The following WNT7B variants were observed in gnomAD, a reference collection of about 807,000 sequenced individuals.
WNT7B encodes protein Wnt-7b.
Under a neutral mutation model 38.2 loss-of-function variants are expected in WNT7B, and 19 were observed. That is an observed-to-expected ratio of 0.50 (90% CI 0.35 to 0.73). The LOEUF (loss-of-function observed/expected upper bound fraction) is 0.73. WNT7B is among the 30% of genes least tolerant of loss of function. The pLI, the probability that WNT7B is intolerant of heterozygous loss-of-function variation, is 0.01. For synonymous variants in WNT7B, 243 were observed against 209.3 expected, an observed-to-expected ratio of 1.16 and a Z score of -1.39; for missense variants, 423 against 507.9, an observed-to-expected ratio of 0.83 and a Z score of 1.61.
rs967451856 is a variant in WNT7B, at chr22:45,977,037, G to A, written c.-283C>T. ...CGTGGACCCCTGCAAGCGCGGGCCG[G>A]GGGCCCGGGCGCGGCTGGCGGGCGG... On this transcript the variant is annotated 5_prime_UTR_variant, in exon 1 of 4. Coordinates refer to ENST00000339464, the MANE Select transcript of WNT7B (RefSeq NM_058238.3). 4.1e-6 allele frequency: 4 copies of A among 984,418 alleles called. No homozygotes were observed. The African/African-American group carries it at 5.3e-5, about 13-fold the overall frequency. The allele number at this position is 984,418 out of a possible 1,614,324, so 61.0% of individuals were successfully genotyped here.
At chr22:45,923,953 C>T (rs957274422) in intron 3 of WNT7B, among the ~76,000 whole-genome samples, 11 of 152,214 alleles carry the variant, frequency 7.2e-5, no homozygotes, top group African/African-American at 2.2e-4. Context: ...CCGGCCCGCC[C>T]GCTGTTCTTT....
At chr22:45,937,622 C>T (rs1295965349) in intron 2 of WNT7B, among the ~76,000 whole-genome samples, 1 of 152,226 alleles carries the variant, frequency 6.6e-6, no homozygotes, top group Non-Finnish European at 1.5e-5. Flanking sequence ...AGGCAGTGCC[C>T]GCCAGCTGCC....
At chr22:45,972,380 A>T in intron 1 of WNT7B, 1 of 321,498 alleles carries the variant, frequency 3.1e-6, no homozygotes, top group Non-Finnish European at 5.6e-6. Context: ...GCCCGGGCGC[A>T]GTTGTCGCCC....
intron 3 of WNT7B, among the ~76,000 whole-genome samples, chr22:45,928,627 C>G (rs1175341612): frequency 1.3e-5 from 1 of 76,872 alleles, no homozygotes; most frequent in South Asian, 4.3e-4. Flanking sequence ...TGTTTTCCCA[C>G]CTCCTGTCTC....
At chr22:45,953,442 G>A (rs868719615) in intron 1 of WNT7B, among the ~76,000 whole-genome samples, 50 of 152,364 alleles carry the variant, frequency 3.3e-4, no homozygotes, top group Middle Eastern at 6.8e-3. Flanking sequence ...AGGTCTCCGG[G>A]CTGCCGGGTG....
chr22:45,938,572 A>G (rs925633885), intron 2 of WNT7B, among the ~76,000 whole-genome samples: 1 of 151,956 alleles, frequency 6.6e-6, no homozygotes, highest in African/African-American at 2.4e-5. Flanking sequence ...GGGAGAGGGG[A>G]GGTTGCAGTG....
chr22:45,963,782 C>G (rs1478109354), intron 1 of WNT7B, among the ~76,000 whole-genome samples: 1 of 152,100 alleles, frequency 6.6e-6, no homozygotes, highest in Non-Finnish European at 1.5e-5. Flanking sequence ...CTGGCTCTCC[C>G]CAGACTCTGA....
chr22:45,959,115 G>GGTGGGTGACGA (rs1389970046), intron 1 of WNT7B, among the ~76,000 whole-genome samples: 4 of 152,208 alleles, frequency 2.6e-5, no homozygotes, highest in African/African-American at 4.8e-5. Flanking sequence ...GTGAATGAAT[G>GGTGGGTGACGA]GTGGGTGACG....
chr22:45,937,885 T>G (rs944153823), intron 2 of WNT7B, among the ~76,000 whole-genome samples: 1 of 152,074 alleles, frequency 6.6e-6, no homozygotes, highest in African/African-American at 2.4e-5. Flanking sequence ...GGCAGGCACC[T>G]GTAATCCCAG....
chr22:45,957,893 C>A (rs1345721971), intron 1 of WNT7B, among the ~76,000 whole-genome samples: 1 of 152,214 alleles, frequency 6.6e-6, no homozygotes, highest in Non-Finnish European at 1.5e-5. Flanking sequence ...CCTGCCAGGG[C>A]TCCTCTGCCC....
intron 1 of WNT7B, among the ~76,000 whole-genome samples, chr22:45,958,429 T>A (rs1932121252): frequency 6.6e-6 from 1 of 152,174 alleles, no homozygotes; most frequent in African/African-American, 2.4e-5. Context: ...TTCTCCCGCT[T>A]CAAAGCCTCC....
chr22:45,971,736 G>A lies in WNT7B; in HGVS notation c.71+4948C>T, dbSNP rs1423692779. On this transcript the variant is annotated intron_variant, in intron 1 of 3. Transcript: ENST00000339464. Reference sequence around the variant, plus strand: ...TGCACGAGGGAGCGGGTGTGTGAGTGCGGCTCTCCCAAGTGTGGCATGGTA... The same window carrying A: ...TGCACGAGGGAGCGGGTGTGTGAGTACGGCTCTCCCAAGTGTGGCATGGTA... Among the ~76,000 whole-genome samples the A allele has an allele frequency of 3.3e-5, 5 of 152,306 alleles. No homozygotes were observed. In the East Asian group the frequency reaches 9.7e-4, roughly 30 times the overall value.
At chr22:45,938,077 A>T (rs1003030422) in intron 2 of WNT7B, among the ~76,000 whole-genome samples, 2 of 152,194 alleles carry the variant, frequency 1.3e-5, no homozygotes, top group Admixed American at 6.5e-5. Context: ...AAGGACAAAG[A>T]CTAACGGGTG....
chr22:45,922,339 CCTCTTCTG>C lies in WNT7B; in HGVS notation c.*509_*516del. The C allele has an allele frequency of 6.4e-6, 1 of 157,346 alleles. No individual in the cohort carries two copies. The highest frequency in any genetic ancestry group is 6.1e-5 in the Admixed American group (1 of 16,518). The allele number at this position is 157,346 out of a possible 1,614,324, so 9.7% of individuals were successfully genotyped here. ...CTGGCTATGTGTTAGTGCCGAGAAT[CCTCTTCTG>C]ATACTAAGAAAACATAAATAATTTG... is the stretch of plus-strand genomic sequence containing the variant. On this transcript the variant is annotated 3_prime_UTR_variant, in exon 4 of 4. Transcript: ENST00000339464.
At position 45,976,938 on chromosome 22, in the gene WNT7B, C is replaced by T; in HGVS notation, c.-184G>A. On this transcript the variant is annotated 5_prime_UTR_variant, in exon 1 of 4. Transcript: ENST00000339464. This position sits in a 1 kb window ranked among gnomAD's most constrained non-coding sequence, Gnocchi z 8.5. ...CACCATGGTGAGCCCGGGATGCCGC[C>T]GCCGCCACCGCCGCGTGAGCCCGGG... 1.0e-6 allele frequency: 1 copy of T among 988,852 alleles called. No individual in the cohort carries two copies. Among genetic ancestry groups the T allele is most frequent in the Non-Finnish European group, 1.2e-6 (1 of 832,842 alleles). 61.3% of individuals were successfully genotyped at this position (988,852 alleles called of 1,614,324 possible). A position where few individuals can be genotyped will look rare whatever the true frequency, so the allele number is the denominator to read the frequency against.
At chr22:45,944,978 C>T (rs1404348791) in intron 2 of WNT7B, among the ~76,000 whole-genome samples, 1 of 152,234 alleles carries the variant, frequency 6.6e-6, no homozygotes, top group Admixed American at 6.5e-5. Context: ...CCCCTCCTGT[C>T]CCCTATGGGT....
At chr22:45,945,481 T>A (rs896273760) in intron 2 of WNT7B, among the ~76,000 whole-genome samples, 2 of 152,238 alleles carry the variant, frequency 1.3e-5, no homozygotes, top group Non-Finnish European at 2.9e-5. Flanking sequence ...GATACTGTAT[T>A]TGCTTTGGGG....
intron 3 of WNT7B, among the ~76,000 whole-genome samples, chr22:45,928,140 C>T (rs568889093): frequency 3.4e-4 from 52 of 152,312 alleles, no homozygotes; most frequent in African/African-American, 6.5e-4. Flanking sequence ...GCCCCACCCG[C>T]GGCACTTGTC....
At chr22:45,971,932 C>G (rs1932450991) in intron 1 of WNT7B, among the ~76,000 whole-genome samples, 2 of 152,194 alleles carry the variant, frequency 1.3e-5, no homozygotes, top group African/African-American at 4.8e-5. Flanking sequence ...CTTTCTTTGA[C>G]CCCAGAGCCA....
Sources: allele counts gnomAD v4.1 joint callset (sites outside exome capture counted in the v4.1 genomes callset), GRCh38; gene constraint gnomAD v4.1.1; non-coding constraint Gnocchi (gnomAD v3.1); transcripts MANE v1.5; gene names NCBI Gene and HGNC (gene_info 2026-07-23, HGNC 2026-07-21).